TMC1: variants seen among roughly 807,000 people sequenced by gnomAD.
TMC1 encodes transmembrane channel-like protein 1.
TMC1 carries 84 observed loss-of-function variants against 105.8 expected under a neutral mutation model. The observed-to-expected ratio is 0.79, with a 90% CI of 0.67 to 0.95. The LOEUF (loss-of-function observed/expected upper bound fraction) is 0.95, where lower values mean the gene tolerates loss of function less well. Among genes scored for constraint, TMC1 ranks in the 40% least tolerant of loss-of-function variants. The pLI is 0.00. For synonymous variants in TMC1, 315 were observed against 311.5 expected (o/e 1.01, Z -0.12); for missense variants, 817 against 914.1 (o/e 0.89, Z 1.37).
chr9:72,692,074 T>G (rs749597136), intron 6 of TMC1, among the ~76,000 whole-genome samples: 31 of 152,146 alleles, frequency 2.0e-4, no homozygotes, highest in Non-Finnish European at 3.8e-4. Flanking sequence ...GCAGATTTGG[T>G]GTTTATCATC....
chr9:72,791,409 T>A (rs546455837), intron 15 of TMC1, among the ~76,000 whole-genome samples: 3 of 152,234 alleles, frequency 2.0e-5, no homozygotes, highest in Non-Finnish European at 4.4e-5. Context: ...AATTCAATAT[T>A]TAGGCCTAGG....
intron 15 of TMC1, among the ~76,000 whole-genome samples, chr9:72,791,348 A>G (rs1394411339): frequency 2.0e-5 from 3 of 152,126 alleles, no homozygotes; most frequent in African/African-American, 7.2e-5. Context: ...CCTTTAATAA[A>G]ACTCATTGTA....
At chr9:72,584,821 G>C (rs1270386753) in intron 2 of TMC1, among the ~76,000 whole-genome samples, 1 of 124,688 alleles carries the variant, frequency 8.0e-6, no homozygotes, top group Non-Finnish European at 1.6e-5. Context: ...GTCTCGCTTC[G>C]TTGCCCAGGC....
rs146899768 is a variant in TMC1 at position 72,645,536 on chromosome 9, T to C, written c.-52-3061T>C. ...AGTTTTTTGGATGTTCAAGGCACTT[T>C]TCTTGACTTTCTGGAGGGTCAAAGA... On this transcript the variant is annotated intron_variant, in intron 4 of 23. Transcript: ENST00000297784. Among the ~76,000 whole-genome samples, 66 of 152,292 alleles carry C rather than the reference T, an allele frequency of 4.3e-4. No individual in the cohort carries two copies. The East Asian group carries it at 9.6e-3, about 22-fold the overall frequency.
chr9:72,689,378 T>G (rs1826427879), intron 6 of TMC1, among the ~76,000 whole-genome samples: 1 of 152,112 alleles, frequency 6.6e-6, no homozygotes, highest in Non-Finnish European at 1.5e-5. Flanking sequence ...AGTAGTATTT[T>G]TAGGTTTCAT....
At chr9:72,658,485 T>G (rs1825918412) in intron 5 of TMC1, among the ~76,000 whole-genome samples, 1 of 152,198 alleles carries the variant, frequency 6.6e-6, no homozygotes, top group Non-Finnish European at 1.5e-5. Flanking sequence ...CTTCTATTCC[T>G]TAACTCTTTT....
intron 5 of TMC1, among the ~76,000 whole-genome samples, chr9:72,682,825 C>T (rs915651080): frequency 1.1e-4 from 17 of 152,182 alleles, no homozygotes; most frequent in Non-Finnish European, 1.6e-4. Context: ...CATGGTTCTG[C>T]AGGCTGTACA....
At chr9:72,754,336 G>T (rs1197930049) in intron 11 of TMC1, among the ~76,000 whole-genome samples, 1 of 152,128 alleles carries the variant, frequency 6.6e-6, no homozygotes, top group Non-Finnish European at 1.5e-5. Context: ...TTACATGATT[G>T]GATTTCCTTG....
intron 1 of TMC1, among the ~76,000 whole-genome samples, chr9:72,564,155 T>A (rs139986205): frequency 6.6e-6 from 1 of 152,140 alleles, no homozygotes; most frequent in Non-Finnish European, 1.5e-5. Flanking sequence ...ACCAATGCCA[T>A]TTTTTGTTGT....
intron 13 of TMC1, among the ~76,000 whole-genome samples, chr9:72,776,869 A>T (rs1276641146): frequency 6.6e-6 from 1 of 151,858 alleles, no homozygotes; most frequent in Non-Finnish European, 1.5e-5. Context: ...AACAATCATC[A>T]ATATAGACTG....
chr9:72,810,821 G>A (rs1003981843), intron 18 of TMC1, among the ~76,000 whole-genome samples: 7 of 152,114 alleles, frequency 4.6e-5, no homozygotes, highest in African/African-American at 1.7e-4. Context: ...ATGATAATAA[G>A]TGTTGTGATG....
intron 1 of TMC1, among the ~76,000 whole-genome samples, chr9:72,565,840 A>G (rs2132084108): frequency 6.6e-6 from 1 of 152,322 alleles, no homozygotes; most frequent in South Asian, 2.1e-4. Context: ...TCACAAGGAC[A>G]GCATGGGAAA....
At chr9:72,649,982 G>C (rs1825774125) in intron 5 of TMC1, among the ~76,000 whole-genome samples, 1 of 152,148 alleles carries the variant, frequency 6.6e-6, no homozygotes, top group Non-Finnish European at 1.5e-5. Flanking sequence ...TATTAGTGCT[G>C]CATATTATTT....
At chr9:72,529,933 T>C (rs1181419122) in intron 1 of TMC1, among the ~76,000 whole-genome samples, 1 of 152,020 alleles carries the variant, frequency 6.6e-6, no homozygotes, top group African/African-American at 2.4e-5. Flanking sequence ...GAATGGAGAA[T>C]AAAAGACACC....
At chr9:72,703,409 G>A (rs1211072187) in intron 8 of TMC1, among the ~76,000 whole-genome samples, 1 of 152,170 alleles carries the variant, frequency 6.6e-6, no homozygotes, top group Non-Finnish European at 1.5e-5. Flanking sequence ...TTATAGGCAT[G>A]AGCCACTGCA....
At chr9:72,806,320 C>A (rs1828582439) in intron 18 of TMC1, among the ~76,000 whole-genome samples, 1 of 149,544 alleles carries the variant, frequency 6.7e-6, no homozygotes, top group Non-Finnish European at 1.5e-5. Context: ...CCCCTCACCT[C>A]CTGGACGGGG....
Position 72,820,953 on chromosome 9 carries a change from G to A in TMC1, c.1875G>A (p.Arg625=). 6.2e-7 allele frequency: 1 copy of A among 1,614,072 alleles called. No homozygotes were observed. The highest frequency in any genetic ancestry group is 8.5e-7 in the Non-Finnish European group (1 of 1,180,020). ...AVMCCNVPEA[R]VFKASRSNNF... ...TGTGCTGCAATGTTCCTGAGGCCAG[G>A]GTCTTCAAAGCTTCCAGATCAAATA... The change falls in exon 20 of 24, where the codon AGG becomes AGA. Residue 625 remains arginine (R), a synonymous_variant. Coordinates refer to ENST00000297784, the MANE Select transcript of TMC1 (RefSeq NM_138691.3).
rs1383897778 is a variant in TMC1 at position 72,837,453 on chromosome 9, TTA to T, written c.*1482_*1483del. On this transcript the variant is annotated 3_prime_UTR_variant, in exon 24 of 24. Coordinates refer to ENST00000297784, the MANE Select transcript of TMC1 (RefSeq NM_138691.3). ...GGCCTCTCTTGCCCTGCTTATGTTT[TTA>T]TGTTTGCCTAACTACCTACTCTAAC... The T allele has an allele frequency of 6.6e-6, 1 of 152,226 alleles. No individual in the cohort carries two copies. The highest frequency in any genetic ancestry group is 2.4e-5 in the African/African-American group (1 of 41,448). The allele number at this position is 152,226 out of a possible 1,614,324, so 9.4% of individuals were successfully genotyped here. A position where few individuals can be genotyped will look rare whatever the true frequency, so the allele number is the denominator to read the frequency against.
intron 5 of TMC1, among the ~76,000 whole-genome samples, chr9:72,668,718 T>TA (rs1826081731): frequency 6.6e-6 from 1 of 152,208 alleles, no homozygotes; most frequent in Non-Finnish European, 1.5e-5. Context: ...TTTTATGGCA[T>TA]TGGCTCCTTT....
Sources: allele counts gnomAD v4.1 joint callset (sites outside exome capture counted in the v4.1 genomes callset), GRCh38; gene constraint gnomAD v4.1.1; transcripts MANE v1.5; gene names NCBI Gene and HGNC (gene_info 2026-07-23, HGNC 2026-07-21).